The following ZMYND11 variants were observed in gnomAD, a reference collection of about 807,000 sequenced individuals.
ZMYND11 encodes the protein zinc finger MYND-type containing 11, also known as zinc finger MYND domain-containing protein 11.
ZMYND11 carries 9 observed loss-of-function variants against 84.9 expected under a neutral mutation model. The ratio of observed to expected loss-of-function variants is 0.11; its 90% CI spans 0.06 to 0.18. ZMYND11 has a LOEUF of 0.18. Among genes scored for constraint, ZMYND11 ranks in the 10% least tolerant of loss-of-function variants. ZMYND11 has a pLI of 1.00. For synonymous variants in ZMYND11, 250 were observed against 244.1 expected (o/e 1.02, Z -0.23); for missense variants, 409 against 761.0 (o/e 0.54, Z 5.44).
At chr10:183,952 C>G (rs1008370988) in intron 2 of ZMYND11, among the ~76,000 whole-genome samples, 2 of 152,146 alleles carry the variant, frequency 1.3e-5, no homozygotes, top group Non-Finnish European at 2.9e-5. Flanking sequence ...TTTAAGAGCA[C>G]CTCCTGGCTA....
chr10:150,533 A>T lies in ZMYND11; in HGVS notation c.-20+14974A>T, dbSNP rs959099047. ...TCTTTATTAGTCTTGCTAGCGGCCTATCAATTTTATTGATGGCCATTGCTG... is the reference window on the plus strand; with the variant it reads ...TCTTTATTAGTCTTGCTAGCGGCCTTTCAATTTTATTGATGGCCATTGCTG... On this transcript the variant is annotated intron_variant, in intron 1 of 14. Coordinates refer to ENST00000381604, the MANE Select transcript of ZMYND11 (RefSeq NM_001370100.5). Among the ~76,000 whole-genome samples, 3 of 152,094 alleles carry T rather than the reference A, an allele frequency of 2.0e-5. No homozygotes were observed. The South Asian group carries it at 6.2e-4, about 32-fold the overall frequency.
At chr10:160,460 T>C (rs1241032153) in intron 1 of ZMYND11, among the ~76,000 whole-genome samples, 2 of 152,204 alleles carry the variant, frequency 1.3e-5, no homozygotes, top group African/African-American at 4.8e-5. Flanking sequence ...TTGGGATGTC[T>C]GTGGCAGTTC....
At chr10:205,200 G>C (rs1240823459) in intron 2 of ZMYND11, among the ~76,000 whole-genome samples, 1 of 152,000 alleles carries the variant, frequency 6.6e-6, no homozygotes, top group East Asian at 1.9e-4. Flanking sequence ...TCTGTGTTCA[G>C]GTTTTGGTTA....
chr10:168,733 A>C (rs555774525), intron 1 of ZMYND11, among the ~76,000 whole-genome samples: 5 of 152,310 alleles, frequency 3.3e-5, no homozygotes, highest in African/African-American at 1.2e-4. Flanking sequence ...CATGGGGTGT[A>C]CTGCTGCACC....
chr10:157,243 A>G (rs550142377), intron 1 of ZMYND11, among the ~76,000 whole-genome samples: 3 of 152,314 alleles, frequency 2.0e-5, no homozygotes, highest in Admixed American at 2.0e-4. Flanking sequence ...TCTGTCGCCC[A>G]GGCTGGAATG....
chr10:201,779 G>C (rs1279536561), intron 2 of ZMYND11, among the ~76,000 whole-genome samples: 1 of 151,920 alleles, frequency 6.6e-6, no homozygotes, highest in African/African-American at 2.4e-5. Flanking sequence ...GGAATGCAGT[G>C]GGGTGCGAGA....
intron 1 of ZMYND11, among the ~76,000 whole-genome samples, chr10:151,554 A>G (rs961022884): frequency 1.1e-4 from 16 of 152,230 alleles, no homozygotes; most frequent in African/African-American, 3.6e-4. Flanking sequence ...TTCGAGAAAT[A>G]TGGGACTATG....
rs1953715349 is a variant in ZMYND11, at chr10:252,533, C to T, written c.*63C>T. ...TTTCAGACACAGCGGTTTTTGTTTC[C>T]AAGAAGCCAAAATTGTTTAGAATTT... On this transcript the variant is annotated 3_prime_UTR_variant, in exon 15 of 15. Coordinates refer to ENST00000381604, the MANE Select transcript of ZMYND11 (RefSeq NM_001370100.5). This position sits in a 1 kb window ranked among gnomAD's most constrained non-coding sequence, Gnocchi z 4.6. 6.5e-7 allele frequency: 1 copy of T among 1,529,650 alleles called. No homozygotes were observed. Among genetic ancestry groups the T allele is most frequent in the Non-Finnish European group, 8.8e-7 (1 of 1,141,238 alleles). The allele number at this position is 1,529,650 out of a possible 1,614,324, so 94.8% of individuals were successfully genotyped here.
rs529213494 is a variant in ZMYND11, at chr10:218,076, GACAT to G, written c.277-3114_277-3111del. Among the ~76,000 whole-genome samples the G allele has an allele frequency of 2.6e-3, 392 of 152,248 alleles. 3 individuals carry two copies. Among genetic ancestry groups the G allele is most frequent in the African/African-American group, 9.0e-3 (375 of 41,536 alleles). On this transcript the variant is annotated intron_variant, in intron 3 of 14. Transcript: ENST00000381604. ...GTGTGAACCAGTTTTAAATTAATAA[GACAT>G]ACATTCATGTCTTACGCAAGTTTAT... is the stretch of plus-strand genomic sequence containing the variant.
At chr10:182,779 A>G (rs1316646709) in intron 2 of ZMYND11, among the ~76,000 whole-genome samples, 1 of 152,128 alleles carries the variant, frequency 6.6e-6, no homozygotes, top group Non-Finnish European at 1.5e-5. Flanking sequence ...AACTTGCCTA[A>G]GGTAAGTTAG....
At position 240,833 on chromosome 10, in the gene ZMYND11, A is replaced by G. The variant is rs1187429598; in HGVS notation, c.754-60A>G. The G allele has an allele frequency of 1.7e-5, 20 of 1,189,302 alleles. No homozygotes were observed. In the Admixed American group the frequency reaches 2.0e-4, roughly 12 times the overall value. 73.7% of individuals were successfully genotyped at this position (1,189,302 alleles called of 1,614,324 possible). On this transcript the variant is annotated intron_variant, in intron 8 of 14. Transcript: ENST00000381604. ...ATGTTAATTTACATGGATACATTTT[A>G]TATAGTTTAATGTGTATGTATATTT...
At chr10:238,925 G>T (rs1950437469) in intron 6 of ZMYND11, among the ~76,000 whole-genome samples, 1 of 152,150 alleles carries the variant, frequency 6.6e-6, no homozygotes, top group Admixed American at 6.5e-5. Flanking sequence ...CACAGACAGG[G>T]ACACCTGAGA....
intron 2 of ZMYND11, among the ~76,000 whole-genome samples, chr10:197,561 G>C (rs994686223): frequency 7.2e-5 from 11 of 152,164 alleles, no homozygotes; most frequent in Admixed American, 7.2e-4. Flanking sequence ...TTGCCTTTCC[G>C]TTTTCTAGTA....
intron 1 of ZMYND11, among the ~76,000 whole-genome samples, chr10:161,136 T>G (rs1387289986): frequency 6.6e-6 from 1 of 151,930 alleles, no homozygotes; most frequent in African/African-American, 2.4e-5. Flanking sequence ...TGAAATTACT[T>G]CTTGATCAGT....
intron 6 of ZMYND11, 86 bp from the exon 7 acceptor site, chr10:239,352 A>G (rs1263741093): frequency 1.4e-5 from 15 of 1,093,542 alleles, no homozygotes; most frequent in Non-Finnish European, 1.8e-5. Context: ...GTCATCCTAG[A>G]AAAGACTGCT....
chr10:225,039 T>C (rs988661620), intron 4 of ZMYND11, among the ~76,000 whole-genome samples: 1 of 151,614 alleles, frequency 6.6e-6, no homozygotes, highest in Non-Finnish European at 1.5e-5. Context: ...TTGTGAAAAT[T>C]GCTTTTAAGA....
At chr10:216,274 C>A (rs1405289724) in intron 3 of ZMYND11, among the ~76,000 whole-genome samples, 3 of 152,182 alleles carry the variant, frequency 2.0e-5, no homozygotes, top group Non-Finnish European at 4.4e-5. Context: ...CCTGACTCCC[C>A]AACCCCCACA....
chr10:151,395 C>T (rs1381835291), intron 1 of ZMYND11, among the ~76,000 whole-genome samples: 1 of 152,122 alleles, frequency 6.6e-6, no homozygotes, highest in Non-Finnish European at 1.5e-5. Flanking sequence ...TGAAAACCAT[C>T]GCATGAGAAC....
At chr10:245,219 C>T (rs1465630131) in intron 10 of ZMYND11, among the ~76,000 whole-genome samples, 9 of 152,106 alleles carry the variant, frequency 5.9e-5, no homozygotes, top group Admixed American at 5.9e-4. Flanking sequence ...ATAATATTAA[C>T]AATATATTCA....
Sources: allele counts gnomAD v4.1 joint callset (sites outside exome capture counted in the v4.1 genomes callset), GRCh38; gene constraint gnomAD v4.1.1; non-coding constraint Gnocchi (gnomAD v3.1); transcripts MANE v1.5; gene names NCBI Gene and HGNC (gene_info 2026-07-23, HGNC 2026-07-21).